Variants in LILRA2 observed in about 807,000 individuals in gnomAD.
The protein encoded by LILRA2 is leukocyte immunoglobulin-like receptor subfamily A member 2.
A neutral mutation model predicts 47.9 loss-of-function variants in LILRA2; 45 were observed. The ratio of observed to expected loss-of-function variants is 0.94; its 90% CI spans 0.74 to 1.20. The LOEUF is 1.20. Among genes scored for constraint, LILRA2 ranks in the 50% most tolerant of loss-of-function variants. LILRA2 has a pLI of 0.00. For synonymous variants in LILRA2, 279 were observed against 249.2 expected (o/e 1.12, Z -1.13); for missense variants, 651 against 598.2 (o/e 1.09, Z -0.92).
rs368844517 is a variant in LILRA2 at position 54,587,693 on chromosome 19, T to G, written c.*347T>G. 602 of 302,216 alleles carry G rather than the reference T, an allele frequency of 2.0e-3. 8 individuals are homozygous for G. The South Asian group carries it at 0.03, about 15-fold the overall frequency. 18.7% of individuals were successfully genotyped at this position (302,216 alleles called of 1,614,324 possible). The stretch of plus-strand genomic sequence containing the variant: ...TCCACGGCATGTGACACAGTCTTCC[T>G]TATTCCTCATTGTCACACTCCTTGA... On this transcript the variant is annotated 3_prime_UTR_variant, in exon 8 of 8. Transcript: ENST00000391738.
At chr19:54,578,783 TG>T (rs2062554450) in intron 6 of LILRA2, among the ~76,000 whole-genome samples, 1 of 152,242 alleles carries the variant, frequency 6.6e-6, no homozygotes, top group Non-Finnish European at 1.5e-5. Flanking sequence ...CTCCAGCATC[TG>T]TAGTTTCCTG....
chr19:54,586,198 G>A (rs1365802968), intron 6 of LILRA2, among the ~76,000 whole-genome samples: 3 of 152,068 alleles, frequency 2.0e-5, no homozygotes, highest in African/African-American at 7.2e-5. Flanking sequence ...CACATGATGT[G>A]AGTGGAGGTA....
At position 54,575,441 on chromosome 19, in the gene LILRA2, A is replaced by C. The variant is rs1388818813; in HGVS notation, c.841A>C (p.Thr281Pro). The C allele has an allele frequency of 1.2e-6, 2 of 1,613,560 alleles. No homozygotes were observed. The highest frequency in any genetic ancestry group is 2.7e-5 in the African/African-American group (2 of 74,800). ...GGCTGGGCTCTCCCAGGCCAACTTC[A>C]CCCTGGGCCCTGTGAGCCCCTCCCA... The part of the protein sequence containing the change: ...PQAGLSQANF[T>P]LGPVSPSHGG... The change falls in exon 5 of 8, where the codon ACC (threonine) becomes CCC (proline). Residue 281 changes from threonine (T) to proline (P), a missense_variant. Thr to Pro is a conservative substitution (Grantham distance 38). Coordinates refer to ENST00000391738, the MANE Select transcript of LILRA2 (RefSeq NM_001130917.3).
chr19:54,578,469 G>A lies in LILRA2; in HGVS notation c.1255+2360G>A, dbSNP rs774643137. Among the ~76,000 whole-genome samples, 20 of 152,262 alleles carry A rather than the reference G, an allele frequency of 1.3e-4. No homozygotes were observed. In the East Asian group the frequency reaches 1.5e-3, roughly 12 times the overall value. Reference sequence around the variant, plus strand: ...AGGACATGAACTCATCCTTTTTAACGGCTGCATAGTATTCCATGGTGTATA... The same window carrying A: ...AGGACATGAACTCATCCTTTTTAACAGCTGCATAGTATTCCATGGTGTATA... On this transcript the variant is annotated intron_variant, in intron 6 of 7. Coordinates refer to ENST00000391738, the MANE Select transcript of LILRA2 (RefSeq NM_001130917.3).
At position 54,575,201 on chromosome 19, in the gene LILRA2, G is replaced by C. The variant is rs1281575478; in HGVS notation, c.656-55G>C. 61 of 1,564,102 alleles carry C rather than the reference G, an allele frequency of 3.9e-5. No individual in the cohort carries two copies. The Admixed American group carries it at 8.5e-4, about 22-fold the overall frequency. ...GGAAGATCAGCGGGGGAGAGGGAGG[G>C]TTTGTGGGGAAGCCTGAGGGTCGGC... On this transcript the variant is annotated intron_variant, in intron 4 of 7. Coordinates refer to ENST00000391738, the MANE Select transcript of LILRA2 (RefSeq NM_001130917.3).
chr19:54,580,250 T>G (rs546070710), intron 6 of LILRA2, among the ~76,000 whole-genome samples: 3,757 of 127,304 alleles, frequency 0.03, 84 homozygotes, highest in Non-Finnish European at 0.046. Flanking sequence ...GTGCACATTG[T>G]GCAGGTTAGT....
chr19:54,585,318 C>G (rs1038242160), intron 6 of LILRA2, among the ~76,000 whole-genome samples: 1 of 152,206 alleles, frequency 6.6e-6, no homozygotes, highest in Non-Finnish European at 1.5e-5. Context: ...GTCTTCAGGG[C>G]TATCAGACAG....
At position 54,581,891 on chromosome 19, in the gene LILRA2, G is replaced by A. The variant is rs77979263; in HGVS notation, c.1256-5119G>A. 8.5e-3 allele frequency among the ~76,000 whole-genome samples: 1,289 copies of A among 151,998 alleles called. 22 individuals are homozygous for A. The highest frequency in any genetic ancestry group is 0.03 in the African/African-American group (1,226 of 41,306). ...AAGGGAATACTTCTTTGCCCATTCAGTATGATATTGGCTGTGGGTTTGCTA... is the reference window on the plus strand; with the variant it reads ...AAGGGAATACTTCTTTGCCCATTCAATATGATATTGGCTGTGGGTTTGCTA... On this transcript the variant is annotated intron_variant, in intron 6 of 7. Coordinates refer to ENST00000391738, the MANE Select transcript of LILRA2 (RefSeq NM_001130917.3).
intron 3 of LILRA2, 49 bp downstream of exon 3, chr19:54,574,631 G>A (rs1295525677): frequency 6.2e-7 from 1 of 1,606,580 alleles, no homozygotes; most frequent in Admixed American, 1.7e-5. Flanking sequence ...CCTCAGGAAG[G>A]GGGTCGGCTC....
In LILRA2 at chr19:54,586,936, CAG is replaced by C. The variant is rs1555782218; in HGVS notation, c.1256-73_1256-72del. 9 of 1,107,304 alleles carry C rather than the reference CAG, an allele frequency of 8.1e-6. No individual in the cohort carries two copies. In the South Asian group the frequency reaches 1.1e-4, roughly 14 times the overall value. 68.6% of individuals were successfully genotyped at this position (1,107,304 alleles called of 1,614,324 possible). On this transcript the variant is annotated intron_variant, in intron 6 of 7. Coordinates refer to ENST00000391738, the MANE Select transcript of LILRA2 (RefSeq NM_001130917.3). ...TCCATAAAACTCATGTCAAGAGACACAGGGGAAAAGAAGAATGCAGAGCCCAG... is the reference window on the plus strand; with the variant it reads ...TCCATAAAACTCATGTCAAGAGACACGGGAAAAGAAGAATGCAGAGCCCAG...
chr19:54,577,705 T>C, intron 6 of LILRA2: 1 of 1,270,790 alleles, frequency 7.9e-7, no homozygotes, highest in South Asian at 1.3e-5. Context: ...GCCCTGCACC[T>C]GCTCCCTGGA....
At chr19:54,575,143 A>G in intron 4 of LILRA2, 110 bp downstream of exon 4, 1 of 1,554,312 alleles carries the variant, frequency 6.4e-7, no homozygotes, top group Non-Finnish European at 8.7e-7. Flanking sequence ...TGTTGGGGCG[A>G]GAGGGCTCAG....
chr19:54,583,921 T>C (rs1157967710), intron 6 of LILRA2, among the ~76,000 whole-genome samples: 1 of 152,194 alleles, frequency 6.6e-6, no homozygotes, highest in Non-Finnish European at 1.5e-5. Flanking sequence ...GATTGTTCCT[T>C]TCCATGTTTA....
intron 6 of LILRA2, among the ~76,000 whole-genome samples, chr19:54,586,522 C>T (rs572665893): frequency 6.6e-6 from 1 of 152,276 alleles, no homozygotes; most frequent in South Asian, 2.1e-4. Context: ...CAGACTTTCA[C>T]CCCTTTGTGT....
intron 6 of LILRA2, chr19:54,577,599 G>A (rs1325321688): frequency 7.8e-7 from 1 of 1,289,690 alleles, no homozygotes; most frequent in Non-Finnish European, 1.0e-6. Flanking sequence ...TGCTCCTTTA[G>A]AGAGAAGCAC....
intron 6 of LILRA2, among the ~76,000 whole-genome samples, chr19:54,582,317 T>C (rs1298691720): frequency 2.0e-5 from 3 of 152,222 alleles, no homozygotes; most frequent in African/African-American, 7.2e-5. Context: ...ATTCCCTCTT[T>C]TTCCATTGAC....
At chr19:54,577,146 AT>A (rs1420540855) in intron 6 of LILRA2, among the ~76,000 whole-genome samples, 1 of 152,210 alleles carries the variant, frequency 6.6e-6, no homozygotes, top group Non-Finnish European at 1.5e-5. Context: ...AAGACACAAT[AT>A]TTTGGAAAAA....
rs1156494511 is a variant in LILRA2, at chr19:54,589,606, T to G, written c.*2260T>G. ...ACAAAAGACCTAAATGAGGAAAAAG[T>G]CATCCCAGTATCATAAATCAAAAGG... On this transcript the variant is annotated 3_prime_UTR_variant, in exon 8 of 8. Coordinates refer to ENST00000391738, the MANE Select transcript of LILRA2 (RefSeq NM_001130917.3). 6.6e-6 allele frequency: 1 copy of G among 152,208 alleles called. No individual in the cohort carries two copies. The highest frequency in any genetic ancestry group is 1.5e-5 in the Non-Finnish European group (1 of 68,032). The allele number at this position is 152,208 out of a possible 1,614,324, so 9.4% of individuals were successfully genotyped here.
Position 54,587,667 on chromosome 19 carries a change from G to T in LILRA2, c.*321G>T. On this transcript the variant is annotated 3_prime_UTR_variant, in exon 8 of 8. Transcript: ENST00000391738. ...CACCTCCACACACCTGTGTGCTCTG[G>T]TCCACGGCATGTGACACAGTCTTCC... 3 of 388,906 alleles carry T rather than the reference G, an allele frequency of 7.7e-6. No individual in the cohort carries two copies. The South Asian group carries it at 1.2e-4, about 15-fold the overall frequency. The allele number at this position is 388,906 out of a possible 1,614,324, so 24.1% of individuals were successfully genotyped here. A position where few individuals can be genotyped will look rare whatever the true frequency, so the allele number is the denominator to read the frequency against.
Sources: allele counts gnomAD v4.1 joint callset (sites outside exome capture counted in the v4.1 genomes callset), GRCh38; gene constraint gnomAD v4.1.1; transcripts MANE v1.5; gene names NCBI Gene and HGNC (gene_info 2026-07-23, HGNC 2026-07-21).